The following SNAP91 variants were observed in gnomAD, a reference collection of about 807,000 sequenced individuals.
The protein encoded by SNAP91 is clathrin coat assembly protein AP180.
A neutral mutation model predicts 100.3 loss-of-function variants in SNAP91; 27 were observed. The ratio of observed to expected loss-of-function variants is 0.27; its 90% CI spans 0.20 to 0.37. The LOEUF (loss-of-function observed/expected upper bound fraction) is 0.37, where lower values mean the gene tolerates loss of function less well. Among genes scored for constraint, SNAP91 ranks in the 10% least tolerant of loss-of-function variants. The pLI is 1.00. For synonymous variants in SNAP91, 404 were observed against 398.6 expected, an observed-to-expected ratio of 1.01 and a Z score of -0.16; for missense variants, 986 against 1,123.7, an observed-to-expected ratio of 0.88 and a Z score of 1.75.
intron 2 of SNAP91, chr6:83,678,951 A>C: frequency 1.0e-6 from 1 of 990,230 alleles, no homozygotes; most frequent in Non-Finnish European, 1.2e-6. Flanking sequence ...AGTGAAATGA[A>C]AAAAAAAAAT....
intron 2 of SNAP91, among the ~76,000 whole-genome samples, chr6:83,702,968 T>C (rs2099331882): frequency 6.6e-6 from 1 of 152,156 alleles, no homozygotes; most frequent in South Asian, 2.1e-4. Flanking sequence ...CCTAGGACAC[T>C]GAGCATCTTC....
At position 83,707,960 on chromosome 6, in the gene SNAP91, G is replaced by A. The variant is rs1312179697; in HGVS notation, c.-30-3C>T. 6.4e-7 allele frequency: 1 copy of A among 1,551,502 alleles called. No homozygotes were observed. Among genetic ancestry groups the A allele is most frequent in the South Asian group, 1.2e-5 (1 of 80,992 alleles). On this transcript the variant is annotated splice_region_variant and splice_polypyrimidine_tract_variant and intron_variant, in intron 1 of 29. Coordinates refer to ENST00000369694, the MANE Select transcript of SNAP91 (RefSeq NM_001242792.2). ...GGTCGCGTCTACCGCCTCCTCTTCT[G>A]CAGGAAACAAGGGGAGACGGTCCGG...
rs1333405449 is a variant in SNAP91 at position 83,641,288 on chromosome 6, CTTAA to C, written c.659-90_659-87del. 1.1e-4 allele frequency: 64 copies of C among 579,750 alleles called. 1 individual carries two copies. In the Admixed American group the frequency reaches 1.6e-3, roughly 14 times the overall value. The allele number at this position is 579,750 out of a possible 1,614,324, so 35.9% of individuals were successfully genotyped here. On this transcript the variant is annotated intron_variant, in intron 7 of 29. Coordinates refer to ENST00000369694, the MANE Select transcript of SNAP91 (RefSeq NM_001242792.2). ...CTTATGTTAAGATTACTACTCAAAA[CTTAA>C]TTAATGTTTGAATCAAAACACTTGG...
chr6:83,617,604 ATATATT>A, intron 9 of SNAP91, among the ~76,000 whole-genome samples: 1 of 151,474 alleles, frequency 6.6e-6, no homozygotes, highest in South Asian at 2.1e-4. Flanking sequence ...ATATATAAAA[ATATATT>A]TATATGTATA....
intron 3 of SNAP91, among the ~76,000 whole-genome samples, chr6:83,664,293 C>T (rs929388669): frequency 6.6e-6 from 1 of 152,106 alleles, no homozygotes; most frequent in African/African-American, 2.4e-5. Context: ...TTTTGTAAGG[C>T]TATAGCTACC....
chr6:83,555,973 A>T (rs1777281539), intron 29 of SNAP91, among the ~76,000 whole-genome samples, 170 bp downstream of exon 29: 1 of 152,134 alleles, frequency 6.6e-6, no homozygotes, highest in African/African-American at 2.4e-5. Context: ...ATTAAGATTT[A>T]AAAAACTCTT....
chr6:83,609,419 T>G (rs1281549337), intron 12 of SNAP91, among the ~76,000 whole-genome samples: 1 of 152,212 alleles, frequency 6.6e-6, no homozygotes, highest in Non-Finnish European at 1.5e-5. Flanking sequence ...GCTTTTCACT[T>G]GTTTGTTTTA....
At position 83,560,976 on chromosome 6, in the gene SNAP91, A is replaced by C. The variant is rs753929173; in HGVS notation, c.2443-29T>G. 4 of 1,449,320 alleles carry C rather than the reference A, an allele frequency of 2.8e-6. No homozygotes were observed. In the South Asian group the frequency reaches 5.0e-5, roughly 18 times the overall value. 89.8% of individuals were successfully genotyped at this position (1,449,320 alleles called of 1,614,324 possible). ...CACAGATAGACAGACATACACATAT[A>C]AATAACACAAAAACACACAAACACA... On this transcript the variant is annotated intron_variant, in intron 26 of 29. Coordinates refer to ENST00000369694, the MANE Select transcript of SNAP91 (RefSeq NM_001242792.2).
chr6:83,708,199 G>A (rs968078519), intron 1 of SNAP91: 8 of 426,534 alleles, frequency 1.9e-5, no homozygotes, highest in Admixed American at 4.7e-5. Context: ...TCGTGACACC[G>A]TCCCCATTCT....
intron 2 of SNAP91, among the ~76,000 whole-genome samples, chr6:83,667,987 A>G (rs180850146): frequency 6.6e-6 from 1 of 152,322 alleles, no homozygotes; most frequent in East Asian, 1.9e-4. Context: ...TTTACAAGAA[A>G]AAAACAAACA....
intron 5 of SNAP91, among the ~76,000 whole-genome samples, chr6:83,660,976 C>T (rs989888279): frequency 5.3e-5 from 8 of 151,880 alleles, no homozygotes; most frequent in African/African-American, 1.9e-4. Context: ...GAGAAAGTCT[C>T]ACTGCATTGC....
Position 83,666,690 on chromosome 6 carries a change from C to T in SNAP91, c.131-1109G>A, listed in dbSNP as rs1008845023. On this transcript the variant is annotated intron_variant, in intron 2 of 29. Coordinates refer to ENST00000369694, the MANE Select transcript of SNAP91 (RefSeq NM_001242792.2). ...AGACTAAAGGATATCAATAACTGTT[C>T]GGAATTATAAGTGGATCAAGGCAGG... is the stretch of plus-strand genomic sequence containing the variant. 9.2e-5 allele frequency among the ~76,000 whole-genome samples: 14 copies of T among 151,992 alleles called. No homozygotes were observed. The East Asian group carries it at 2.3e-3, about 25-fold the overall frequency.
intron 7 of SNAP91, among the ~76,000 whole-genome samples, chr6:83,645,454 C>G (rs1585358537): frequency 6.6e-6 from 1 of 152,210 alleles, no homozygotes. Context: ...CCATAGCATA[C>G]ATTACTGTTC....
chr6:83,700,477 G>C (rs2099277804), intron 2 of SNAP91, among the ~76,000 whole-genome samples: 1 of 151,690 alleles, frequency 6.6e-6, no homozygotes, highest in African/African-American at 2.4e-5. Flanking sequence ...TTCTGAGCTG[G>C]GTATTTTACA....
At chr6:83,677,742 T>C (rs2098930623) in intron 2 of SNAP91, among the ~76,000 whole-genome samples, 1 of 152,218 alleles carries the variant, frequency 6.6e-6, no homozygotes, top group Non-Finnish European at 1.5e-5. Context: ...TGCTTTTATA[T>C]TTTATCCTCT....
chr6:83,674,968 C>T (rs928388907), intron 2 of SNAP91, among the ~76,000 whole-genome samples: 6 of 152,044 alleles, frequency 3.9e-5, no homozygotes, highest in Non-Finnish European at 2.9e-5. Context: ...TAAGTCTAGG[C>T]GAGACTGAGC....
At position 83,595,406 on chromosome 6, in the gene SNAP91, G is replaced by A. The variant is rs560811114; in HGVS notation, c.1325-925C>T. On this transcript the variant is annotated intron_variant, in intron 16 of 29. Coordinates refer to ENST00000369694, the MANE Select transcript of SNAP91 (RefSeq NM_001242792.2). ...TATTTATAGAATATCATTAACATAC[G>A]AGCAGCCACAGTTTATAAATGCCCA... Among the ~76,000 whole-genome samples, 23 of 152,120 alleles carry A rather than the reference G, an allele frequency of 1.5e-4. No individual in the cohort carries two copies. In the South Asian group the frequency reaches 4.4e-3, roughly 29 times the overall value.
intron 8 of SNAP91, 89 bp from the exon 9 acceptor site, chr6:83,623,431 C>T: frequency 5.7e-6 from 5 of 877,996 alleles, no homozygotes; most frequent in South Asian, 4.4e-5. Context: ...TTAGTTTAAA[C>T]AGCTCAATAT....
chr6:83,585,585 G>A (rs1429975209), intron 22 of SNAP91, among the ~76,000 whole-genome samples: 1 of 151,044 alleles, frequency 6.6e-6, no homozygotes, highest in African/African-American at 2.4e-5. Flanking sequence ...AACAGAGTAA[G>A]GCTTTTGTGC....
Sources: allele counts gnomAD v4.1 joint callset (sites outside exome capture counted in the v4.1 genomes callset), GRCh38; gene constraint gnomAD v4.1.1; transcripts MANE v1.5; gene names NCBI Gene and HGNC (gene_info 2026-07-23, HGNC 2026-07-21).